Variants in PDE11A observed in about 807,000 individuals in gnomAD.
PDE11A encodes the protein phosphodiesterase 11A.
A neutral mutation model predicts 100.5 loss-of-function variants in PDE11A; 100 were observed. The ratio of observed to expected loss-of-function variants is 1.00; its 90% CI spans 0.85 to 1.18. PDE11A has a LOEUF of 1.18. Among genes scored for constraint, PDE11A ranks in the 50% most tolerant of loss-of-function variants. PDE11A has a pLI of 0.00. For synonymous variants in PDE11A, 381 were observed against 420.8 expected, an observed-to-expected ratio of 0.91 and a Z score of 1.16; for missense variants, 1,141 against 1,152.6, an observed-to-expected ratio of 0.99 and a Z score of 0.15.
intron 9 of PDE11A, among the ~76,000 whole-genome samples, chr2:177,789,443 G>T (rs1055284131): frequency 2.6e-5 from 4 of 151,722 alleles, no homozygotes; most frequent in Non-Finnish European, 5.9e-5. Context: ...TACTGAATGG[G>T]CAAAAACTGG....
intron 2 of PDE11A, among the ~76,000 whole-genome samples, chr2:177,940,166 T>C (rs990421059): frequency 6.6e-6 from 1 of 152,052 alleles, no homozygotes; most frequent in East Asian, 1.9e-4. Context: ...AACTGGGGGA[T>C]GGGTTTACTA....
chr2:177,804,251 A>G (rs2082833845), intron 9 of PDE11A, among the ~76,000 whole-genome samples: 1 of 151,996 alleles, frequency 6.6e-6, no homozygotes, highest in South Asian at 2.1e-4. Context: ...AACTCAAATA[A>G]TTCAATAAGA....
chr2:177,673,031 A>G (rs1429616843), intron 17 of PDE11A, among the ~76,000 whole-genome samples: 1 of 152,244 alleles, frequency 6.6e-6, no homozygotes, highest in Non-Finnish European at 1.5e-5. Context: ...CTAGGAATTA[A>G]GTCAGAAGAG....
chr2:177,746,214 T>C (rs751177957), intron 10 of PDE11A, among the ~76,000 whole-genome samples: 1 of 152,008 alleles, frequency 6.6e-6, no homozygotes, highest in African/African-American at 2.4e-5. Context: ...AATTCGTAGG[T>C]AAATTGAACA....
chr2:177,842,729 A>T (rs13384920), intron 5 of PDE11A, among the ~76,000 whole-genome samples: 6,406 of 152,308 alleles, frequency 0.042, 467 homozygotes, highest in African/African-American at 0.15. Context: ...ACTGCAGAAG[A>T]TTCCACAGGC....
At chr2:177,844,183 T>C (rs1310652263) in intron 5 of PDE11A, among the ~76,000 whole-genome samples, 2 of 152,164 alleles carry the variant, frequency 1.3e-5, no homozygotes, top group African/African-American at 4.8e-5. Flanking sequence ...AAACAACAAA[T>C]ATTTATTTAT....
intron 13 of PDE11A, among the ~76,000 whole-genome samples, chr2:177,701,983 A>G (rs1215702019): frequency 1.3e-5 from 2 of 152,202 alleles, no homozygotes; most frequent in Non-Finnish European, 2.9e-5. Context: ...TATTTATGAG[A>G]ACAATAAAAT....
intron 2 of PDE11A, among the ~76,000 whole-genome samples, chr2:177,954,012 A>G (rs1393715098): frequency 6.6e-6 from 1 of 152,020 alleles, no homozygotes; most frequent in Non-Finnish European, 1.5e-5. Flanking sequence ...TGGAAACTTT[A>G]TCATGGGATT....
At chr2:178,102,046 C>G (rs1373042678) in intron 2 of PDE11A, among the ~76,000 whole-genome samples, 1 of 152,042 alleles carries the variant, frequency 6.6e-6, no homozygotes, top group Non-Finnish European at 1.5e-5. Context: ...TCACTGCAGC[C>G]TTAACCTCCT....
chr2:177,842,711 C>G (rs2083510946), intron 5 of PDE11A, among the ~76,000 whole-genome samples: 1 of 152,206 alleles, frequency 6.6e-6, no homozygotes, highest in Admixed American at 6.5e-5. Flanking sequence ...GCTGGTGACT[C>G]AAGAGGTACT....
chr2:177,777,360 A>C (rs1227775972), intron 9 of PDE11A, among the ~76,000 whole-genome samples: 1 of 152,240 alleles, frequency 6.6e-6, no homozygotes, highest in Non-Finnish European at 1.5e-5. Context: ...AATATAAAAA[A>C]AGTAATTCTT....
chr2:177,776,586 G>A (rs898717547), intron 9 of PDE11A, among the ~76,000 whole-genome samples: 1 of 152,114 alleles, frequency 6.6e-6, no homozygotes, highest in Non-Finnish European at 1.5e-5. Context: ...CAGGACATCA[G>A]AATATGACTG....
At chr2:177,918,504 A>T (rs192395018) in intron 2 of PDE11A, among the ~76,000 whole-genome samples, 1 of 152,256 alleles carries the variant, frequency 6.6e-6, no homozygotes, top group Non-Finnish European at 1.5e-5. Flanking sequence ...ATGAGAAAAC[A>T]ACCATTAGAA....
At chr2:177,998,617 A>G in intron 2 of PDE11A, 3 of 1,296,788 alleles carry the variant, frequency 2.3e-6, no homozygotes, top group Non-Finnish European at 3.4e-6. Flanking sequence ...TGCTTAAAGA[A>G]TTTCAGAATA....
chr2:178,045,025 G>A (rs1254545896), intron 1 of PDE11A, among the ~76,000 whole-genome samples: 3 of 152,184 alleles, frequency 2.0e-5, no homozygotes, highest in African/African-American at 7.2e-5. Context: ...CGGTATGGCT[G>A]TAGCTTCAGT....
chr2:177,898,821 T>G (rs1011745189), intron 3 of PDE11A, among the ~76,000 whole-genome samples: 7 of 152,218 alleles, frequency 4.6e-5, no homozygotes, highest in Non-Finnish European at 8.8e-5. Flanking sequence ...TAACTAATTA[T>G]ATTGCTATAA....
intron 4 of PDE11A, among the ~76,000 whole-genome samples, chr2:177,886,377 T>G (rs968286005): frequency 6.6e-6 from 1 of 152,208 alleles, no homozygotes; most frequent in South Asian, 2.1e-4. Context: ...TAGAACAGCA[T>G]TCCTCATTTC....
chr2:177,712,116 A>T (rs2105425837), intron 12 of PDE11A, among the ~76,000 whole-genome samples: 1 of 152,322 alleles, frequency 6.6e-6, no homozygotes. Context: ...CATAGTTCAG[A>T]CTATTTTGTT....
chr2:178,053,554 G>A (rs1053421687), intron 1 of PDE11A, among the ~76,000 whole-genome samples: 4 of 152,106 alleles, frequency 2.6e-5, no homozygotes, highest in African/African-American at 9.7e-5. Context: ...TATTCAATTA[G>A]GAAAAGAGGA....
Sources: gnomAD v4.1 joint callset for allele counts (sites outside exome capture counted in the v4.1 genomes callset) on GRCh38, gnomAD v4.1.1 for gene constraint, MANE v1.5 for transcripts, NCBI Gene and HGNC (gene_info 2026-07-23, HGNC 2026-07-21) for gene names.